Variants in SCMH1 observed in about 807,000 individuals in gnomAD.
The protein encoded by SCMH1 is Scm polycomb group protein homolog 1.
In SCMH1, 37 loss-of-function variants were observed where a neutral mutation model predicts 70.8. That is an observed-to-expected ratio of 0.52 (90% CI 0.40 to 0.69). The LOEUF (loss-of-function observed/expected upper bound fraction) is 0.69, where lower values mean the gene tolerates loss of function less well. Ranked by LOEUF, SCMH1 falls within the 30% of genes least tolerant of loss-of-function variation. The probability of loss-of-function intolerance (pLI) is 0.00; values close to 1 mark genes in which losing one functional copy is unlikely to be tolerated. For missense variants in SCMH1, 607 were observed against 827.3 expected, an observed-to-expected ratio of 0.73 and a Z score of 3.27; for synonymous variants, 292 against 307.4, an observed-to-expected ratio of 0.95 and a Z score of 0.52.
intron 1 of SCMH1, among the ~76,000 whole-genome samples, chr1:41,193,543 G>C (rs1652259932): frequency 6.6e-6 from 1 of 152,122 alleles, no homozygotes; most frequent in Non-Finnish European, 1.5e-5. Context: ...GTTGAGGAAA[G>C]CTTCATGGAG....
At chr1:41,227,848 T>C (rs1440465149) in intron 1 of SCMH1, among the ~76,000 whole-genome samples, 1 of 151,958 alleles carries the variant, frequency 6.6e-6, no homozygotes, top group East Asian at 1.9e-4. Flanking sequence ...CATGGTGGTG[T>C]GCACCTGTAA....
intron 10 of SCMH1, among the ~76,000 whole-genome samples, chr1:41,059,478 C>G (rs768154987): frequency 6.6e-6 from 1 of 152,162 alleles, no homozygotes; most frequent in Non-Finnish European, 1.5e-5. Flanking sequence ...CAGCCAAACT[C>G]CAGGAAGATC....
At chr1:41,106,040 A>G (rs1667820031) in intron 8 of SCMH1, among the ~76,000 whole-genome samples, 1 of 151,438 alleles carries the variant, frequency 6.6e-6, no homozygotes, top group Non-Finnish European at 1.5e-5. Context: ...ATGCCCAGCT[A>G]ATTTTTGTAT....
chr1:41,218,600 G>A (rs928199720), intron 1 of SCMH1, among the ~76,000 whole-genome samples: 2 of 152,166 alleles, frequency 1.3e-5, no homozygotes, highest in African/African-American at 2.4e-5. Context: ...ATAAATTTCT[G>A]TTGTTCTAAG....
At chr1:41,069,168 G>A in intron 10 of SCMH1, among the ~76,000 whole-genome samples, 1 of 152,216 alleles carries the variant, frequency 6.6e-6, no homozygotes, top group Non-Finnish European at 1.5e-5. Flanking sequence ...ATTGAGAACA[G>A]CATTTAACTA....
chr1:41,186,603 C>A (rs1006834118), intron 1 of SCMH1, among the ~76,000 whole-genome samples: 3 of 152,162 alleles, frequency 2.0e-5, no homozygotes, highest in African/African-American at 7.2e-5. Flanking sequence ...CCCCCAAATT[C>A]ATACGTTAAA....
chr1:41,216,109 A>G (rs141250536), intron 1 of SCMH1, among the ~76,000 whole-genome samples: 70 of 152,310 alleles, frequency 4.6e-4, no homozygotes, highest in African/African-American at 1.7e-3. Flanking sequence ...TGAGCTCAGT[A>G]AAAGCAAGAC....
intron 1 of SCMH1, among the ~76,000 whole-genome samples, chr1:41,196,001 A>G (rs1268694015): frequency 6.6e-6 from 1 of 151,658 alleles, no homozygotes; most frequent in Non-Finnish European, 1.5e-5. Context: ...GAATAAATTT[A>G]ACTAACACGG....
intron 6 of SCMH1, among the ~76,000 whole-genome samples, chr1:41,139,112 A>C (rs547392987): frequency 1.3e-5 from 2 of 152,126 alleles, no homozygotes; most frequent in Admixed American, 6.5e-5. Flanking sequence ...TCCCTCTTCC[A>C]CAGAGGAAGT....
At chr1:41,225,458 G>A (rs558508831) in intron 1 of SCMH1, among the ~76,000 whole-genome samples, 39 of 152,176 alleles carry the variant, frequency 2.6e-4, no homozygotes, top group Admixed American at 1.9e-3. Flanking sequence ...GTCAGTCCCC[G>A]GGCTAGGGAA....
intron 1 of SCMH1, among the ~76,000 whole-genome samples, chr1:41,221,495 CA>C (rs370043958): frequency 0.18 from 22,285 of 121,976 alleles, 2,140 homozygotes; most frequent in Non-Finnish European, 0.25. Context: ...TCTACAAAAA[CA>C]AAAAAAAAAG....
At chr1:41,106,907 C>T (rs1010942572) in intron 8 of SCMH1, among the ~76,000 whole-genome samples, 9 of 151,764 alleles carry the variant, frequency 5.9e-5, no homozygotes, top group African/African-American at 1.9e-4. Context: ...TCAGGCTGGT[C>T]GCTAACTCTT....
At chr1:41,092,870 A>G (rs1016278976) in intron 8 of SCMH1, among the ~76,000 whole-genome samples, 30 of 152,118 alleles carry the variant, frequency 2.0e-4, no homozygotes, top group African/African-American at 2.4e-5. Context: ...AAGTCAGGAA[A>G]CAACAGGTGC....
intron 2 of SCMH1, among the ~76,000 whole-genome samples, chr1:41,170,167 C>T (rs978605648): frequency 6.6e-6 from 1 of 152,194 alleles, no homozygotes; most frequent in Non-Finnish European, 1.5e-5. Context: ...GGCTTTTTTC[C>T]TGTGGTCTAG....
chr1:41,218,938 G>A (rs1221181389), intron 1 of SCMH1, among the ~76,000 whole-genome samples: 2 of 152,064 alleles, frequency 1.3e-5, no homozygotes, highest in South Asian at 2.1e-4. Flanking sequence ...ATAAGCCCCT[G>A]GGATCATACC....
intron 6 of SCMH1, among the ~76,000 whole-genome samples, chr1:41,135,571 G>A (rs994031898): frequency 4.6e-5 from 7 of 152,178 alleles, no homozygotes; most frequent in African/African-American, 1.7e-4. Flanking sequence ...CCCTAGCCAT[G>A]CTGAACTGTG....
chr1:41,144,040 C>T (rs957479668), intron 5 of SCMH1, among the ~76,000 whole-genome samples: 2 of 152,070 alleles, frequency 1.3e-5, no homozygotes, highest in African/African-American at 4.8e-5. Context: ...GGGAAATACA[C>T]TTTCTTTTTT....
intron 5 of SCMH1, among the ~76,000 whole-genome samples, chr1:41,145,890 T>C (rs1039946682): frequency 2.0e-5 from 3 of 152,222 alleles, no homozygotes; most frequent in Non-Finnish European, 2.9e-5. Context: ...CACATACAAT[T>C]ATGTACAGTA....
intron 4 of SCMH1, among the ~76,000 whole-genome samples, chr1:41,156,844 TTC>T (rs1286378977): frequency 7.2e-5 from 11 of 152,106 alleles, no homozygotes; most frequent in Admixed American, 7.2e-4. Context: ...CTGATTTTTC[TTC>T]TTAGAGGCAG....
Sources: allele counts gnomAD v4.1 joint callset (sites outside exome capture counted in the v4.1 genomes callset), GRCh38; gene constraint gnomAD v4.1.1; transcripts MANE v1.5; gene names NCBI Gene and HGNC (gene_info 2026-07-23, HGNC 2026-07-21).